PSME4: variants seen among roughly 807,000 people sequenced by gnomAD.
PSME4 encodes the protein proteasome activator subunit 4.
Under a neutral mutation model 253.9 loss-of-function variants are expected in PSME4, and 89 were observed. That is an observed-to-expected ratio of 0.35 (90% CI 0.30 to 0.42). The LOEUF (loss-of-function observed/expected upper bound fraction) is 0.42, where lower values mean the gene tolerates loss of function less well. Ranked by LOEUF, PSME4 falls within the 10% of genes least tolerant of loss-of-function variation. PSME4 has a pLI of 1.00. For synonymous variants in PSME4, 851 were observed against 759.2 expected (o/e 1.12, Z -1.99); for missense variants, 2,014 against 2,195.2 (o/e 0.92, Z 1.65).
intron 32 of PSME4, among the ~76,000 whole-genome samples, chr2:53,896,369 T>C (rs1680137464): frequency 6.6e-6 from 1 of 152,160 alleles, no homozygotes. Flanking sequence ...AAACTAAAGA[T>C]ACCATACAAT....
In PSME4 at chr2:53,920,944, T is replaced by C. The variant is rs1247657632; in HGVS notation, c.2207A>G (p.Tyr736Cys). 2 of 1,613,808 alleles carry C rather than the reference T, an allele frequency of 1.2e-6. No individual in the cohort carries two copies. Among genetic ancestry groups the C allele is most frequent in the African/African-American group, 2.7e-5 (2 of 74,920 alleles). Residue 736 changes from tyrosine to cysteine, a missense_variant, in exon 18 of 47, where the codon TAC becomes TGC. Tyr to Cys is a radical substitution (Grantham distance 194). Around this residue, in one of 4 missense-constraint regions of PSME4, gnomAD observed 989 missense variants for 1,021.1 expected, o/e 0.97. Transcript: ENST00000404125. The part of the protein sequence containing the change: ...RSTTLIYPTE[Y>C]CSVPGGFDKP... ...GTCAAAGCCACCTGGCACACTGCAGTATTCTGTAGGGTAGATAAGTGTGGT... is the reference window on the plus strand; with the variant it reads ...GTCAAAGCCACCTGGCACACTGCAGCATTCTGTAGGGTAGATAAGTGTGGT...
At chr2:53,954,086 T>C (rs1038932825) in intron 1 of PSME4, among the ~76,000 whole-genome samples, 2 of 151,782 alleles carry the variant, frequency 1.3e-5, no homozygotes, top group African/African-American at 4.8e-5. Context: ...TCCCAGCACT[T>C]GGGGAGGCCG....
At chr2:53,901,789 G>A (rs894646062) in intron 27 of PSME4, among the ~76,000 whole-genome samples, 3 of 152,212 alleles carry the variant, frequency 2.0e-5, no homozygotes, top group African/African-American at 7.2e-5. Context: ...AAGAGTTTGG[G>A]ACAGGTGAGG....
rs975392917 is a variant in PSME4, at chr2:53,864,594, G to C, written c.*984C>G. ...ACACAATGATGTTGTGTAAAAGGTT[G>C]CATCTGTACAATGTCTTGCCAATGC... On this transcript the variant is annotated 3_prime_UTR_variant, in exon 47 of 47. Transcript: ENST00000404125. 1 of 152,574 alleles carries C rather than the reference G, an allele frequency of 6.6e-6. No individual in the cohort carries two copies. The highest frequency in any genetic ancestry group is 1.5e-5 in the Non-Finnish European group (1 of 68,034). 9.5% of individuals were successfully genotyped at this position (152,574 alleles called of 1,614,324 possible). A position where few individuals can be genotyped will look rare whatever the true frequency, so the allele number is the denominator to read the frequency against.
intron 20 of PSME4, among the ~76,000 whole-genome samples, chr2:53,916,835 T>C (rs1192852230): frequency 6.6e-6 from 1 of 152,116 alleles, no homozygotes; most frequent in East Asian, 1.9e-4. Context: ...ATGCTAGTTA[T>C]AAATTAAATA....
At chr2:53,917,634 A>G (rs1290873449) in intron 20 of PSME4, among the ~76,000 whole-genome samples, 1 of 152,174 alleles carries the variant, frequency 6.6e-6, no homozygotes, top group Non-Finnish European at 1.5e-5. Flanking sequence ...AAATTATTGG[A>G]TTAAATGACC....
Position 53,927,489 on chromosome 2 carries a change from G to T in PSME4, c.1504-6C>A. 6.4e-7 allele frequency: 1 copy of T among 1,553,124 alleles called. No individual in the cohort carries two copies. ...GCTATGAACTGGAATGTGATCTGTG[G>T]AAACATACAAAGGATTTTCAACATT... On this transcript the variant is annotated splice_polypyrimidine_tract_variant and splice_region_variant and intron_variant, in intron 11 of 46. Transcript: ENST00000404125.
At chr2:53,916,658 C>T (rs933860475) in intron 20 of PSME4, among the ~76,000 whole-genome samples, 1 of 151,994 alleles carries the variant, frequency 6.6e-6, no homozygotes, top group Admixed American at 6.6e-5. Flanking sequence ...AAGATTTGAA[C>T]AATTACTAAC....
chr2:53,935,947 G>A, intron 7 of PSME4, 140 bp downstream of exon 7: 1 of 1,010,120 alleles, frequency 9.9e-7, no homozygotes, highest in East Asian at 3.1e-5. Context: ...AGGCTGGAGT[G>A]CAGTACTGCA....
At chr2:53,939,731 A>G (rs1307877748) in intron 4 of PSME4, among the ~76,000 whole-genome samples, 1 of 152,240 alleles carries the variant, frequency 6.6e-6, no homozygotes, top group Non-Finnish European at 1.5e-5. Flanking sequence ...TTTTATGTAA[A>G]GTATGGTATT....
chr2:53,902,542 C>T (rs1680460705), intron 27 of PSME4, among the ~76,000 whole-genome samples: 1 of 152,118 alleles, frequency 6.6e-6, no homozygotes, highest in South Asian at 2.1e-4. Flanking sequence ...TTTTGTTGAT[C>T]TAATAGATAT....
chr2:53,913,345 G>A (rs947570722), intron 20 of PSME4, among the ~76,000 whole-genome samples: 1 of 152,062 alleles, frequency 6.6e-6, no homozygotes, highest in Non-Finnish European at 1.5e-5. Context: ...ACTATGAAAA[G>A]AATCACTGGT....
intron 41 of PSME4, among the ~76,000 whole-genome samples, chr2:53,879,801 C>CAAAAAAAAAAAAAA (rs55730803): frequency 1.1e-5 from 1 of 89,936 alleles, no homozygotes; most frequent in Non-Finnish European, 2.1e-5. Flanking sequence ...GACCCTGTCT[C>CAAAAAAAAAAAAAA]AAAAAAAAAA....
Position 53,920,994 on chromosome 2 carries a change from G to A in PSME4, c.2157C>T (p.Asn719=). ...TAGAACGGAGAAGATGATGCAAAAG[G>A]TTACAAGACAGAGTGTAACCCTGCT... ...TCKQGYTLSC[N]LLHHLLRSTT... The change falls in exon 18 of 47, where the codon AAC becomes AAT. Residue 719 remains asparagine (N), a synonymous_variant. Coordinates refer to ENST00000404125, the MANE Select transcript of PSME4 (RefSeq NM_014614.3). 2 of 1,614,018 alleles carry A rather than the reference G, an allele frequency of 1.2e-6. No homozygotes were observed. Among genetic ancestry groups the A allele is most frequent in the South Asian group, 1.1e-5 (1 of 91,072 alleles).
rs751981927 is a variant in PSME4, at chr2:53,923,304, C to A, written c.1908+17G>T. ...TTGTTGAGTCATTAATACATCAGTT[C>A]AAAAAAATAAACTCACCTTTACAGC... On this transcript the variant is annotated intron_variant, in intron 15 of 46. Transcript: ENST00000404125. The A allele has an allele frequency of 1.9e-6, 3 of 1,586,892 alleles. No individual in the cohort carries two copies. Among genetic ancestry groups the A allele is most frequent in the Non-Finnish European group, 2.6e-6 (3 of 1,171,640 alleles).
At position 53,864,127 on chromosome 2, in the gene PSME4, A is replaced by G. The variant is rs187531484; in HGVS notation, c.*1451T>C. On this transcript the variant is annotated 3_prime_UTR_variant, in exon 47 of 47. Coordinates refer to ENST00000404125, the MANE Select transcript of PSME4 (RefSeq NM_014614.3). ...GTTACACAACTGAAATCAGTTTGGC[A>G]CTACTTTATACAGGGATTACGCCTG... 2.0e-5 allele frequency: 3 copies of G among 152,344 alleles called. No homozygotes were observed. Among genetic ancestry groups the G allele is most frequent in the Non-Finnish European group, 4.4e-5 (3 of 68,032 alleles). The allele number at this position is 152,344 out of a possible 1,614,324, so 9.4% of individuals were successfully genotyped here. A position where few individuals can be genotyped will look rare whatever the true frequency, so the allele number is the denominator to read the frequency against.
intron 28 of PSME4, among the ~76,000 whole-genome samples, chr2:53,900,517 G>C (rs1348041706): frequency 1.3e-5 from 2 of 152,116 alleles, no homozygotes; most frequent in African/African-American, 4.8e-5. Flanking sequence ...TTGGGGGACA[G>C]AATGAGACAG....
At position 53,866,072 on chromosome 2, in the gene PSME4, T is replaced by G. The variant is rs761149902; in HGVS notation, c.*4+13A>C. The G allele has an allele frequency of 6.3e-7, 1 of 1,597,942 alleles. No homozygotes were observed. The highest frequency in any genetic ancestry group is 1.1e-5 in the South Asian group (1 of 88,726). ...CACCAAACCAATGTAAATTCAGAAC[T>G]TTGCTGACTTACCTTTCTATGCATA... On this transcript the variant is annotated intron_variant, in intron 46 of 46. Coordinates refer to ENST00000404125, the MANE Select transcript of PSME4 (RefSeq NM_014614.3).
chr2:53,922,845 G>A (rs1409011120), intron 16 of PSME4, among the ~76,000 whole-genome samples: 1 of 152,130 alleles, frequency 6.6e-6, no homozygotes, highest in African/African-American at 2.4e-5. Flanking sequence ...CCTCTGAATG[G>A]TGGTTGTATA....
Sources: allele counts gnomAD v4.1 joint callset (sites outside exome capture counted in the v4.1 genomes callset), GRCh38; gene constraint gnomAD v4.1.1; regional missense constraint gnomAD v4.1.1; transcripts MANE v1.5; gene names NCBI Gene and HGNC (gene_info 2026-07-23, HGNC 2026-07-21).